Variants in AP1AR observed in about 807,000 individuals in gnomAD.
AP1AR encodes the protein AP-1 complex-associated regulatory protein.
AP1AR carries 29 observed loss-of-function variants against 46.3 expected under a neutral mutation model. That is an observed-to-expected ratio of 0.63 (90% confidence interval 0.47 to 0.85). The LOEUF (loss-of-function observed/expected upper bound fraction) is 0.85, where lower values mean the gene tolerates loss of function less well. Ranked by LOEUF, AP1AR falls within the 40% of genes least tolerant of loss-of-function variation. The pLI is 0.00. For synonymous variants in AP1AR, 122 were observed against 122.9 expected (o/e 0.99, Z 0.05); for missense variants, 357 against 356.3 (o/e 1.00, Z -0.02).
chr4:112,256,553 CCT>C (rs778560829), intron 3 of AP1AR, among the ~76,000 whole-genome samples: 1 of 152,188 alleles, frequency 6.6e-6, no homozygotes, highest in Non-Finnish European at 1.5e-5. Flanking sequence ...CCCCTCTTCT[CCT>C]CTCTAATTTA....
At chr4:112,240,710 G>T (rs903912312) in intron 1 of AP1AR, among the ~76,000 whole-genome samples, 1 of 152,078 alleles carries the variant, frequency 6.6e-6, no homozygotes, top group African/African-American at 2.4e-5. Flanking sequence ...GCTGATTTTT[G>T]ATGACACCTC....
At position 112,234,849 on chromosome 4, in the gene AP1AR, A is replaced by G. The variant is rs542595647; in HGVS notation, c.83+2675A>G. The stretch of plus-strand genomic sequence containing the variant: ...TAGCTTGATTTAAGCTAGACTTCAC[A>G]GGGAAGCCTTATGATCTAAGGCCTG... On this transcript the variant is annotated intron_variant, in intron 1 of 9. Transcript: ENST00000274000. 5.1e-4 allele frequency among the ~76,000 whole-genome samples: 77 copies of G among 152,304 alleles called. No homozygotes were observed. The Middle Eastern group carries it at 0.017, about 34-fold the overall frequency.
chr4:112,236,862 G>GA (rs1335849544), intron 1 of AP1AR, among the ~76,000 whole-genome samples: 2 of 152,120 alleles, frequency 1.3e-5, no homozygotes, highest in Non-Finnish European at 2.9e-5. Context: ...AAATCAGTGA[G>GA]AAAAACATTA....
At chr4:112,253,322 T>C in intron 2 of AP1AR, 66 bp downstream of exon 2, 1 of 1,239,882 alleles carries the variant, frequency 8.1e-7, no homozygotes, top group Non-Finnish European at 1.2e-6. Flanking sequence ...CTTTTTGTTG[T>C]AAAGAGGGAA....
chr4:112,264,671 C>CT (rs1262424366), intron 6 of AP1AR, among the ~76,000 whole-genome samples: 1 of 152,044 alleles, frequency 6.6e-6, no homozygotes, highest in African/African-American at 2.4e-5. Context: ...TTAACTATTC[C>CT]TTTCCTGCTC....
chr4:112,263,138 C>A, intron 6 of AP1AR, 52 bp downstream of exon 6: 1 of 1,417,664 alleles, frequency 7.1e-7, no homozygotes, highest in Non-Finnish European at 9.8e-7. Context: ...TCCTTATTTT[C>A]TCTGACAAAT....
chr4:112,256,595 T>A (rs1726210116), intron 3 of AP1AR, among the ~76,000 whole-genome samples: 1 of 152,240 alleles, frequency 6.6e-6, no homozygotes, highest in Non-Finnish European at 1.5e-5. Context: ...TTTAGTTGAA[T>A]GTCATCCTGT....
chr4:112,260,941 C>A (rs941044589), intron 5 of AP1AR, 79 bp downstream of exon 5: 8 of 865,452 alleles, frequency 9.2e-6, no homozygotes. Flanking sequence ...TGTGTAGAGT[C>A]TTTGGACCTA....
chr4:112,262,609 G>GA lies in AP1AR; in HGVS notation c.283-378dup, dbSNP rs562133692. On this transcript the variant is annotated intron_variant, in intron 5 of 9. Coordinates refer to ENST00000274000, the MANE Select transcript of AP1AR (RefSeq NM_018569.6). Reference sequence around the variant, plus strand: ...AAGCTGAGTTCACTTTGGTCACAGTGACGTAATTGATCTTAAAGATACTGG... The same window carrying GA: ...AAGCTGAGTTCACTTTGGTCACAGTGAACGTAATTGATCTTAAAGATACTGG... Among the ~76,000 whole-genome samples the GA allele has an allele frequency of 1.4e-3, 211 of 152,304 alleles. 2 individuals carry two copies. The highest frequency in any genetic ancestry group is 4.9e-3 in the African/African-American group (205 of 41,576).
chr4:112,237,806 C>A (rs1238795938), intron 1 of AP1AR, among the ~76,000 whole-genome samples: 2 of 152,094 alleles, frequency 1.3e-5, no homozygotes, highest in Non-Finnish European at 2.9e-5. Context: ...CTTTCACTTA[C>A]CTTTACCTTA....
At chr4:112,256,685 A>G (rs1726213027) in intron 3 of AP1AR, among the ~76,000 whole-genome samples, 1 of 152,212 alleles carries the variant, frequency 6.6e-6, no homozygotes, top group African/African-American at 2.4e-5. Flanking sequence ...TCAGTTATGA[A>G]TAGTTTAAAT....
chr4:112,254,426 G>A (rs1016923069), intron 2 of AP1AR, among the ~76,000 whole-genome samples: 3 of 152,148 alleles, frequency 2.0e-5, no homozygotes, highest in Non-Finnish European at 4.4e-5. Flanking sequence ...TATTCTGGTA[G>A]CATGGAATGA....
intron 1 of AP1AR, among the ~76,000 whole-genome samples, chr4:112,238,278 C>A (rs1241383462): frequency 6.6e-6 from 1 of 152,212 alleles, no homozygotes; most frequent in South Asian, 2.1e-4. Flanking sequence ...ATCTACAAAA[C>A]TACAATTTCT....
At chr4:112,232,554 C>T (rs968503512) in intron 1 of AP1AR, among the ~76,000 whole-genome samples, 7 of 152,216 alleles carry the variant, frequency 4.6e-5, no homozygotes, top group African/African-American at 1.4e-4. Context: ...AGCTAGTATC[C>T]CTGTATCTGA....
rs141240035 is a variant in AP1AR, at chr4:112,247,286, G to A, written c.84-5922G>A. Reference sequence around the variant, plus strand: ...AAAGCAAGCAACATAAATTTCCTGGGTGTGAAGAAAAGAAGAAAAGAAAAG... The same window carrying A: ...AAAGCAAGCAACATAAATTTCCTGGATGTGAAGAAAAGAAGAAAAGAAAAG... On this transcript the variant is annotated intron_variant, in intron 1 of 9. Coordinates refer to ENST00000274000, the MANE Select transcript of AP1AR (RefSeq NM_018569.6). Among the ~76,000 whole-genome samples the A allele has an allele frequency of 2.4e-4, 37 of 152,312 alleles. No homozygotes were observed. The East Asian group carries it at 6.5e-3, about 27-fold the overall frequency.
chr4:112,253,055 CTT>C (rs1284274212), intron 1 of AP1AR, among the ~76,000 whole-genome samples, 151 bp from the exon 2 acceptor site: 3 of 152,030 alleles, frequency 2.0e-5, no homozygotes, highest in African/African-American at 7.2e-5. Flanking sequence ...TTTTTATAGT[CTT>C]AGGTAAATTT....
chr4:112,272,069 G>A lies in AP1AR; in HGVS notation c.*3660G>A, dbSNP rs950858280. 6.6e-6 allele frequency among the ~76,000 whole-genome samples: 1 copy of A among 152,214 alleles called. No homozygotes were observed. The highest frequency in any genetic ancestry group is 2.4e-5 in the African/African-American group (1 of 41,458). On this transcript the variant is annotated 3_prime_UTR_variant, in exon 10 of 10. Transcript: ENST00000274000. ...GCTGCTTTAGTTGCATTTGGAGACA[G>A]TTACACAAATGAAGGGATGGAAACT...
Position 112,270,807 on chromosome 4 carries a change from G to A in AP1AR, c.*2398G>A, listed in dbSNP as rs186180244. On this transcript the variant is annotated 3_prime_UTR_variant, in exon 10 of 10. Coordinates refer to ENST00000274000, the MANE Select transcript of AP1AR (RefSeq NM_018569.6). ...GCAAGACCTTGTAGACCAAGAATGA[G>A]TTTTATTTGATGTGTAATAGAAAGC... 2.6e-4 allele frequency among the ~76,000 whole-genome samples: 40 copies of A among 152,192 alleles called. No individual in the cohort carries two copies. The highest frequency in any genetic ancestry group is 9.4e-4 in the African/African-American group (39 of 41,446).
chr4:112,232,240 C>G lies in AP1AR; in HGVS notation c.83+66C>G, dbSNP rs145432250. 87 of 1,230,656 alleles carry G rather than the reference C, an allele frequency of 7.1e-5. No individual in the cohort carries two copies. In the African/African-American group the frequency reaches 1.1e-3, roughly 16 times the overall value. 76.2% of individuals were successfully genotyped at this position (1,230,656 alleles called of 1,614,324 possible). A position where few individuals can be genotyped will look rare whatever the true frequency, so the allele number is the denominator to read the frequency against. On this transcript the variant is annotated intron_variant, in intron 1 of 9. Coordinates refer to ENST00000274000, the MANE Select transcript of AP1AR (RefSeq NM_018569.6). ...CCTCTTCGGCCCCCGGCGGGGAATC[C>G]CTTTCACCGTCCCCCGGCGGCTGGA...
Sources: gnomAD v4.1 joint callset for allele counts (sites outside exome capture counted in the v4.1 genomes callset) on GRCh38, gnomAD v4.1.1 for gene constraint, MANE v1.5 for transcripts, NCBI Gene and HGNC (gene_info 2026-07-23, HGNC 2026-07-21) for gene names.